The following KDM4C variants were observed in gnomAD, a reference collection of about 807,000 sequenced individuals.
The protein encoded by KDM4C is lysine demethylase 4C.
KDM4C carries 81 observed loss-of-function variants against 129.3 expected under a neutral mutation model. That is an observed-to-expected ratio of 0.63 (90% CI 0.52 to 0.75). The LOEUF (loss-of-function observed/expected upper bound fraction) is 0.75, where lower values mean the gene tolerates loss of function less well. Among genes scored for constraint, KDM4C ranks in the 30% least tolerant of loss-of-function variants. The pLI is 0.00. For synonymous variants in KDM4C, 573 were observed against 456.1 expected, an observed-to-expected ratio of 1.26 and a Z score of -3.26; for missense variants, 1,457 against 1,304.0, an observed-to-expected ratio of 1.12 and a Z score of -1.81.
intron 4 of KDM4C, among the ~76,000 whole-genome samples, chr9:6,839,498 C>T (rs1836514835): frequency 1.3e-5 from 2 of 151,682 alleles, no homozygotes; most frequent in African/African-American, 4.8e-5. Context: ...CCTCGGCCTC[C>T]CAAAATGCTG....
chr9:7,025,271 C>T (rs1367817170), intron 15 of KDM4C, among the ~76,000 whole-genome samples: 3 of 151,990 alleles, frequency 2.0e-5, no homozygotes, highest in African/African-American at 7.3e-5. Flanking sequence ...AAATGTGTTT[C>T]TTGTAGACAA....
At chr9:6,835,011 C>A in intron 4 of KDM4C, 1 of 951,458 alleles carries the variant, frequency 1.1e-6, no homozygotes, top group Non-Finnish European at 1.7e-6. Context: ...CGGGACCTGA[C>A]TACCTCATGA....
At chr9:6,749,539 A>G (rs1003978974) in intron 1 of KDM4C, among the ~76,000 whole-genome samples, 3 of 152,106 alleles carry the variant, frequency 2.0e-5, no homozygotes, top group Non-Finnish European at 4.4e-5. Context: ...ATGGTGGTGC[A>G]TGCCTGTGGT....
chr9:7,098,537 T>A (rs1836712675), intron 17 of KDM4C, among the ~76,000 whole-genome samples: 1 of 152,212 alleles, frequency 6.6e-6, no homozygotes, highest in Admixed American at 6.5e-5. Context: ...TAAACAGGAT[T>A]TGTTTTATCG....
chr9:6,866,304 A>G (rs1841968801), intron 5 of KDM4C, among the ~76,000 whole-genome samples: 1 of 151,408 alleles, frequency 6.6e-6, no homozygotes, highest in African/African-American at 2.4e-5. Context: ...TTTTTCTGCT[A>G]GGTTACTGTT....
intron 1 of KDM4C, among the ~76,000 whole-genome samples, chr9:6,751,980 T>C (rs1818075587): frequency 6.6e-6 from 1 of 152,118 alleles, no homozygotes; most frequent in Non-Finnish European, 1.5e-5. Context: ...AGGTTCTTGT[T>C]TGTGATACCA....
chr9:6,800,751 C>A (rs527712348), intron 2 of KDM4C, among the ~76,000 whole-genome samples: 1 of 151,996 alleles, frequency 6.6e-6, no homozygotes, highest in Admixed American at 6.5e-5. Flanking sequence ...CTCAGCCTCC[C>A]GAGTAGCTAG....
chr9:6,832,601 A>ATT (rs1210812893), intron 4 of KDM4C, among the ~76,000 whole-genome samples: 2 of 145,338 alleles, frequency 1.4e-5, no homozygotes, highest in East Asian at 4.2e-4. Context: ...AATTTTTTGT[A>ATT]TTTTTAGTAG....
intron 1 of KDM4C, among the ~76,000 whole-genome samples, chr9:6,752,115 C>T (rs1389295703): frequency 2.0e-5 from 3 of 150,144 alleles, no homozygotes; most frequent in Non-Finnish European, 4.4e-5. Flanking sequence ...GGGCGGATCA[C>T]GAGGTCAGGA....
intron 17 of KDM4C, among the ~76,000 whole-genome samples, chr9:7,089,250 A>G (rs1564102431): frequency 6.6e-6 from 1 of 151,620 alleles, no homozygotes; most frequent in African/African-American, 2.4e-5. Flanking sequence ...ATTTTATTTT[A>G]TTTTTTTTGC....
intron 15 of KDM4C, among the ~76,000 whole-genome samples, chr9:7,044,343 C>T (rs1829062115): frequency 6.6e-6 from 1 of 151,938 alleles, no homozygotes; most frequent in African/African-American, 2.4e-5. Context: ...CTGGCCAAGA[C>T]CAAGACCTGA....
chr9:6,799,642 C>CTT (rs1052629844), intron 2 of KDM4C, among the ~76,000 whole-genome samples: 127 of 121,504 alleles, frequency 1.0e-3, no homozygotes, highest in African/African-American at 3.4e-3. Flanking sequence ...TTTTTCTTTT[C>CTT]TTTTTTTTTT....
At chr9:6,907,552 G>A (rs1055348065) in intron 8 of KDM4C, among the ~76,000 whole-genome samples, 1 of 152,134 alleles carries the variant, frequency 6.6e-6, no homozygotes, top group Non-Finnish European at 1.5e-5. Flanking sequence ...TTAACTTGTA[G>A]CCAAAACTTT....
intron 8 of KDM4C, among the ~76,000 whole-genome samples, chr9:6,943,742 A>G (rs1826387411): frequency 6.6e-6 from 1 of 152,224 alleles, no homozygotes; most frequent in Non-Finnish European, 1.5e-5. Flanking sequence ...CTGCTGCTAT[A>G]GAATACTTTA....
At chr9:6,900,249 G>A (rs1431589843) in intron 8 of KDM4C, among the ~76,000 whole-genome samples, 1 of 152,186 alleles carries the variant, frequency 6.6e-6, no homozygotes, top group African/African-American at 2.4e-5. Flanking sequence ...AAATAGGGCA[G>A]TGAGGCCCGG....
chr9:6,943,233 A>AT (rs1337810599), intron 8 of KDM4C, among the ~76,000 whole-genome samples: 1 of 152,246 alleles, frequency 6.6e-6, no homozygotes, highest in Non-Finnish European at 1.5e-5. Flanking sequence ...TTCAAGTTGG[A>AT]AACAATTGAA....
At chr9:7,023,134 A>G (rs1048190921) in intron 15 of KDM4C, among the ~76,000 whole-genome samples, 1 of 152,144 alleles carries the variant, frequency 6.6e-6, no homozygotes, top group African/African-American at 2.4e-5. Flanking sequence ...TGATTTTGGT[A>G]TCAGGGTAAT....
chr9:6,798,446 C>T (rs1010710270), intron 2 of KDM4C, among the ~76,000 whole-genome samples: 32 of 152,050 alleles, frequency 2.1e-4, no homozygotes, highest in African/African-American at 5.8e-4. Flanking sequence ...TGACTCTTAA[C>T]GAGCATGCTG....
chr9:6,798,777 G>T (rs1828270875), intron 2 of KDM4C, among the ~76,000 whole-genome samples: 1 of 152,184 alleles, frequency 6.6e-6, no homozygotes, highest in Non-Finnish European at 1.5e-5. Flanking sequence ...ACGGGGTGGT[G>T]GCCGGGCAGA....
Sources: gnomAD v4.1 joint callset for allele counts (sites outside exome capture counted in the v4.1 genomes callset) on GRCh38, gnomAD v4.1.1 for gene constraint, MANE v1.5 for transcripts, NCBI Gene and HGNC (gene_info 2026-07-23, HGNC 2026-07-21) for gene names.